ARHGAP32: variants seen among roughly 807,000 people sequenced by gnomAD.
ARHGAP32 encodes rho GTPase-activating protein 32.
A neutral mutation model predicts 186.5 loss-of-function variants in ARHGAP32; 51 were observed. That is an observed-to-expected ratio of 0.27 (90% CI 0.22 to 0.35). The LOEUF is 0.35. Among genes scored for constraint, ARHGAP32 ranks in the 10% least tolerant of loss-of-function variants. ARHGAP32 has a pLI of 1.00. For synonymous variants in ARHGAP32, 950 were observed against 964.3 expected (o/e 0.99, Z 0.27); for missense variants, 2,186 against 2,623.5 (o/e 0.83, Z 3.64).
At chr11:129,164,480 C>T in intron 1 of ARHGAP32, 53 bp from the exon 2 acceptor site, 1 of 1,049,598 alleles carries the variant, frequency 9.5e-7, no homozygotes, top group Non-Finnish European at 1.4e-6. Flanking sequence ...TCTATGAAAG[C>T]CTTCCAATGA....
At chr11:129,107,400 T>C (rs1942078449) in intron 5 of ARHGAP32, among the ~76,000 whole-genome samples, 2 of 152,182 alleles carry the variant, frequency 1.3e-5, no homozygotes, top group South Asian at 2.1e-4. Flanking sequence ...CAGTTAAGGT[T>C]AATACATGGG....
In ARHGAP32 at chr11:129,086,638, G is replaced by A. The variant is rs556725109; in HGVS notation, c.531+6983C>T. On this transcript the variant is annotated intron_variant, in intron 6 of 22. Transcript: ENST00000682385. ...AGATCGAGACCATCCCGGCTAGCAC[G>A]GTGAAACCCTGTCTCTACTAAAAAT... Among the ~76,000 whole-genome samples the A allele has an allele frequency of 1.3e-3, 198 of 152,142 alleles. 1 individual carries two copies. The highest frequency in any genetic ancestry group is 2.9e-3 in the Admixed American group (44 of 15,282).
chr11:129,193,682 A>ATATATATTATATAATATATAATATATAT (rs1274983433), upstream of ARHGAP32, among the ~76,000 whole-genome samples: 2 of 69,772 alleles, frequency 2.9e-5, no homozygotes, highest in Admixed American at 2.3e-4. Flanking sequence ...ATAATATATA[A>ATATATATTATATAATATATAATATATAT]TATATATTAT....
At chr11:129,043,381 CTTTT>C (rs1213682729) in intron 10 of ARHGAP32, among the ~76,000 whole-genome samples, 3 of 103,328 alleles carry the variant, frequency 2.9e-5, no homozygotes, top group African/African-American at 3.9e-5. Context: ...TTCTTTTTTT[CTTTT>C]TTTTTTTTTT....
rs1284761035 is a variant in ARHGAP32, at chr11:129,086,582, G to A, written c.531+7039C>T. Among the ~76,000 whole-genome samples the A allele has an allele frequency of 2.0e-5, 3 of 152,144 alleles. No homozygotes were observed. In the East Asian group the frequency reaches 5.8e-4, roughly 30 times the overall value. Reference sequence around the variant, plus strand: ...CACGCCTGTAATCCCAGCACTTTGGGAGGCCAAGGCGGGCGGATCACAAGG... The same window carrying A: ...CACGCCTGTAATCCCAGCACTTTGGAAGGCCAAGGCGGGCGGATCACAAGG... On this transcript the variant is annotated intron_variant, in intron 6 of 22. Coordinates refer to ENST00000682385, the MANE Select transcript of ARHGAP32 (RefSeq NM_001378024.1).
At chr11:129,241,309 T>A (rs893542642) in intron 1 of ARHGAP32, among the ~76,000 whole-genome samples, 55 of 152,148 alleles carry the variant, frequency 3.6e-4, no homozygotes, top group Admixed American at 1.2e-3. Flanking sequence ...AAAAATAAAA[T>A]TTGCATCAAG....
rs1309099351 is a variant in ARHGAP32 at position 128,996,443 on chromosome 11, ATATT to A, written c.1195+1872_1195+1875del. Among the ~76,000 whole-genome samples the A allele has an allele frequency of 2.4e-4, 36 of 152,254 alleles. 1 individual carries two copies. The highest frequency in any genetic ancestry group is 1.4e-3 in the Admixed American group (22 of 15,290). On this transcript the variant is annotated intron_variant, in intron 12 of 22. Coordinates refer to ENST00000682385, the MANE Select transcript of ARHGAP32 (RefSeq NM_001378024.1). ...TTTTCATTATATGAAAAGTATATAT[ATATT>A]TAAGTCATCTCTTCATGTTTTTTGT...
intron 10 of ARHGAP32, among the ~76,000 whole-genome samples, chr11:129,047,657 T>C (rs1003582372): frequency 6.6e-6 from 1 of 151,970 alleles, no homozygotes; most frequent in Admixed American, 6.6e-5. Context: ...TTTGAACCAA[T>C]ACAAATTCAC....
intron 1 of ARHGAP32, among the ~76,000 whole-genome samples, chr11:129,266,671 T>G (rs1397096222): frequency 6.6e-6 from 1 of 152,212 alleles, no homozygotes; most frequent in Non-Finnish European, 1.5e-5. Flanking sequence ...AGAGTTTTAC[T>G]TGCATAGAAC....
At chr11:129,229,878 C>T (rs761995372) in intron 1 of ARHGAP32, among the ~76,000 whole-genome samples, 2 of 151,962 alleles carry the variant, frequency 1.3e-5, no homozygotes, top group Non-Finnish European at 2.9e-5. Flanking sequence ...AGTAGAGTGG[C>T]GCGATCCCCT....
chr11:129,206,104 T>C (rs922789042), intron 1 of ARHGAP32, among the ~76,000 whole-genome samples: 2 of 152,218 alleles, frequency 1.3e-5, no homozygotes, highest in Non-Finnish European at 2.9e-5. Flanking sequence ...CTCTAAAATA[T>C]AGTATTTTTA....
intron 1 of ARHGAP32, among the ~76,000 whole-genome samples, chr11:129,200,006 C>T (rs1423840676): frequency 1.3e-5 from 2 of 152,216 alleles, no homozygotes; most frequent in African/African-American, 4.8e-5. Flanking sequence ...TAAGATTTGA[C>T]TGCCCCACTG....
Position 128,966,263 on chromosome 11 carries a change from A to T in ARHGAP32, c.*2644T>A, listed in dbSNP as rs1300919415. The T allele has an allele frequency of 1.3e-5, 2 of 152,246 alleles. No individual in the cohort carries two copies. Among genetic ancestry groups the T allele is most frequent in the Admixed American group, 6.5e-5 (1 of 15,288 alleles). 9.4% of individuals were successfully genotyped at this position (152,246 alleles called of 1,614,324 possible). On this transcript the variant is annotated 3_prime_UTR_variant, in exon 23 of 23. Coordinates refer to ENST00000682385, the MANE Select transcript of ARHGAP32 (RefSeq NM_001378024.1). ...TCCATTTCCTTGATCATAATGCTCCATGTCAAAATTTGAAAGTAATAACAT... is the reference window on the plus strand; with the variant it reads ...TCCATTTCCTTGATCATAATGCTCCTTGTCAAAATTTGAAAGTAATAACAT...
chr11:129,104,706 C>T (rs1489077313), intron 5 of ARHGAP32, among the ~76,000 whole-genome samples: 3 of 151,398 alleles, frequency 2.0e-5, no homozygotes, highest in East Asian at 3.9e-4. Flanking sequence ...AAGAAGATGG[C>T]CAAATGGTGT....
chr11:129,152,880 T>G (rs1943319241), intron 2 of ARHGAP32, among the ~76,000 whole-genome samples: 1 of 152,102 alleles, frequency 6.6e-6, no homozygotes, highest in African/African-American at 2.4e-5. Context: ...CTACAAGTCC[T>G]GGCCGGAACA....
chr11:129,151,803 A>G (rs1943294265), intron 2 of ARHGAP32, among the ~76,000 whole-genome samples: 2 of 152,206 alleles, frequency 1.3e-5, no homozygotes, highest in Non-Finnish European at 2.9e-5. Context: ...GTCACACCTC[A>G]AGGAAACAGA....
At chr11:129,217,459 G>A (rs1288557033) in intron 1 of ARHGAP32, among the ~76,000 whole-genome samples, 1 of 152,130 alleles carries the variant, frequency 6.6e-6, no homozygotes, top group Non-Finnish European at 1.5e-5. Flanking sequence ...TAAGTGGTAG[G>A]AAGATGTTAA....
At chr11:129,011,335 A>G (rs1938069013) in intron 11 of ARHGAP32, among the ~76,000 whole-genome samples, 1 of 152,248 alleles carries the variant, frequency 6.6e-6, no homozygotes, top group Non-Finnish European at 1.5e-5. Context: ...TTTAGCACAG[A>G]GTCCAAACTC....
In ARHGAP32 at chr11:128,974,352, A is replaced by C. The variant is rs1372052828; in HGVS notation, c.2845T>G (p.Ser949Ala). ...ACGCATTTGTCCCAGGTTGAAGATG[A>C]TGCATTCTGAGCTGTGGTATTTGAG... Reference protein sequence around the residue: ...TVSNTTAQNASSSTWDKCVEE... With the variant: ...TVSNTTAQNAASSTWDKCVEE... Residue 949 changes from serine (S) to alanine (A), a missense_variant, in exon 21 of 23, where the codon TCA becomes GCA. By Grantham distance (99) the Ser-to-Ala change is moderately conservative. Around this residue, in one of 5 missense-constraint regions of ARHGAP32, gnomAD observed 1,502 missense variants for 1,570.0 expected, o/e 0.96. Coordinates refer to ENST00000682385, the MANE Select transcript of ARHGAP32 (RefSeq NM_001378024.1). 1 of 1,614,182 alleles carries C rather than the reference A, an allele frequency of 6.2e-7. No homozygotes were observed. Among genetic ancestry groups the C allele is most frequent in the Non-Finnish European group, 8.5e-7 (1 of 1,180,038 alleles).
Sources: allele counts gnomAD v4.1 joint callset (sites outside exome capture counted in the v4.1 genomes callset), GRCh38; gene constraint gnomAD v4.1.1; regional missense constraint gnomAD v4.1.1; transcripts MANE v1.5; gene names NCBI Gene and HGNC (gene_info 2026-07-23, HGNC 2026-07-21).